Variants in SLC24A2 observed in about 807,000 individuals in gnomAD.
The protein encoded by SLC24A2 is solute carrier family 24 member 2, also known as sodium/potassium/calcium exchanger 2.
In SLC24A2, 36 loss-of-function variants were observed where a neutral mutation model predicts 62.0. That is an observed-to-expected ratio of 0.58 (90% confidence interval 0.44 to 0.77). The LOEUF (loss-of-function observed/expected upper bound fraction) is 0.77, where lower values mean the gene tolerates loss of function less well. SLC24A2 is among the 30% of genes least tolerant of loss of function. The pLI, the probability that SLC24A2 is intolerant of heterozygous loss-of-function variation, is 0.00. For synonymous variants in SLC24A2, 358 were observed against 294.0 expected (o/e 1.22, Z -2.23); for missense variants, 846 against 817.9 (o/e 1.03, Z -0.42).
the SLC24A2 span, among the ~76,000 whole-genome samples, chr9:20,247,053 T>C: frequency 3.9e-5 from 6 of 152,252 alleles, no homozygotes; most frequent in Non-Finnish European, 7.3e-5. Context: ...AGACCACTTA[T>C]ATCTTGAGCT....
chr9:20,224,429 A>G, the SLC24A2 span, among the ~76,000 whole-genome samples: 83 of 152,240 alleles, frequency 5.5e-4, no homozygotes, highest in South Asian at 1.0e-3. Context: ...GGCAAAAATT[A>G]AAGCCTGAAA....
the SLC24A2 span, among the ~76,000 whole-genome samples, chr9:20,119,753 C>T: frequency 1.3e-5 from 2 of 152,072 alleles, no homozygotes; most frequent in Non-Finnish European, 2.9e-5. Flanking sequence ...AGTTCCCATA[C>T]AGTGCAATAA....
At position 19,512,295 on chromosome 9, in the gene SLC24A2, C is replaced by A. The variant is rs184402071; in HGVS notation, c.*3858G>T. The A allele has an allele frequency of 6.6e-6, 1 of 152,324 alleles. No homozygotes were observed. Among genetic ancestry groups the A allele is most frequent in the East Asian group, 1.9e-4 (1 of 5,184 alleles). 9.4% of individuals were successfully genotyped at this position (152,324 alleles called of 1,614,324 possible). ...TTCCCTATAAAATAAATTATGATGG[C>A]CCTTGTCAGGTGACACCTGTTAGAA... On this transcript the variant is annotated 3_prime_UTR_variant, in exon 11 of 11. Transcript: ENST00000341998.
chr9:19,828,284 ATTGAAATGT>A, the SLC24A2 span, among the ~76,000 whole-genome samples: 1,407 of 152,270 alleles, frequency 9.2e-3, 20 homozygotes, highest in African/African-American at 0.032. Flanking sequence ...AAAGAATGGA[ATTGAAATGT>A]TCCTAACACA....
intron 2 of SLC24A2, among the ~76,000 whole-genome samples, chr9:19,715,739 T>C (rs1197129251): frequency 6.6e-6 from 1 of 152,188 alleles, no homozygotes; most frequent in Non-Finnish European, 1.5e-5. Context: ...AAAGAAGCAA[T>C]TGGCAATTTT....
At chr9:20,271,770 G>A in the SLC24A2 span, among the ~76,000 whole-genome samples, 11 of 152,056 alleles carry the variant, frequency 7.2e-5, no homozygotes, top group African/African-American at 2.7e-4. Context: ...AGAAAGGTTT[G>A]AATGAGTTTG....
the SLC24A2 span, among the ~76,000 whole-genome samples, chr9:20,171,930 T>C: frequency 6.6e-6 from 1 of 152,020 alleles, no homozygotes; most frequent in African/African-American, 2.4e-5. Context: ...CATCAGTGCA[T>C]GGAACTTCCT....
the SLC24A2 span, among the ~76,000 whole-genome samples, chr9:19,862,003 G>GAGAA: frequency 6.6e-6 from 1 of 152,158 alleles, no homozygotes; most frequent in Admixed American, 6.5e-5. Flanking sequence ...AGAGGAGGTA[G>GAGAA]AGAAAGAGAC....
intron 2 of SLC24A2, among the ~76,000 whole-genome samples, chr9:19,702,636 T>C (rs958387178): frequency 1.3e-5 from 2 of 152,196 alleles, no homozygotes; most frequent in Non-Finnish European, 2.9e-5. Context: ...TGCATTATAG[T>C]TGGCAGTGGC....
the SLC24A2 span, among the ~76,000 whole-genome samples, chr9:19,989,126 T>C: frequency 2.0e-5 from 3 of 152,148 alleles, no homozygotes; most frequent in African/African-American, 2.4e-5. Flanking sequence ...ATGTTAATAA[T>C]AAATATGTAT....
chr9:19,921,415 C>T, the SLC24A2 span, among the ~76,000 whole-genome samples: 11 of 150,014 alleles, frequency 7.3e-5, no homozygotes, highest in Admixed American at 3.4e-4. Flanking sequence ...CCCAGCTACT[C>T]GGGAGGGACA....
At chr9:19,652,271 T>A (rs1818823496) in intron 2 of SLC24A2, among the ~76,000 whole-genome samples, 1 of 152,152 alleles carries the variant, frequency 6.6e-6, no homozygotes, top group African/African-American at 2.4e-5. Context: ...GTAGGCTGAA[T>A]ACTGGTCTCC....
the SLC24A2 span, among the ~76,000 whole-genome samples, chr9:20,070,814 A>C: frequency 6.6e-6 from 1 of 152,206 alleles, no homozygotes; most frequent in East Asian, 1.9e-4. Flanking sequence ...AAAGGTAGAG[A>C]GAATACTCCC....
intron 2 of SLC24A2, among the ~76,000 whole-genome samples, chr9:19,722,170 A>G (rs1374143402): frequency 6.6e-6 from 1 of 152,124 alleles, no homozygotes; most frequent in African/African-American, 2.4e-5. Context: ...TTCTATGTAT[A>G]GTAGGAAGTG....
chr9:20,265,356 A>G, the SLC24A2 span, among the ~76,000 whole-genome samples: 977 of 152,364 alleles, frequency 6.4e-3, 6 homozygotes, highest in African/African-American at 0.023. Context: ...CGGAGGGACC[A>G]GCTGAAACCA....
chr9:19,584,546 T>A (rs1237638033), intron 5 of SLC24A2, among the ~76,000 whole-genome samples: 1 of 152,192 alleles, frequency 6.6e-6, no homozygotes, highest in Non-Finnish European at 1.5e-5. Context: ...ACAAATCCTC[T>A]TTTATTCTAC....
intron 2 of SLC24A2, among the ~76,000 whole-genome samples, chr9:19,784,583 C>G (rs757051557): frequency 6.6e-6 from 1 of 152,158 alleles, no homozygotes; most frequent in African/African-American, 2.4e-5. Flanking sequence ...ACCACCCAAA[C>G]GGACTCGAGG....
At chr9:20,290,385 G>A in the SLC24A2 span, among the ~76,000 whole-genome samples, 7 of 152,216 alleles carry the variant, frequency 4.6e-5, no homozygotes, top group African/African-American at 1.7e-4. Context: ...CTTGTCAGTT[G>A]TTTCAAATGT....
the SLC24A2 span, among the ~76,000 whole-genome samples, chr9:20,267,897 C>T: frequency 2.0e-5 from 3 of 152,118 alleles, no homozygotes; most frequent in Non-Finnish European, 4.4e-5. Context: ...GCCCTTCCTA[C>T]TGGGTGCCAG....
Sources: gnomAD v4.1 joint callset for allele counts (sites outside exome capture counted in the v4.1 genomes callset) on GRCh38, gnomAD v4.1.1 for gene constraint, MANE v1.5 for transcripts, NCBI Gene and HGNC (gene_info 2026-07-23, HGNC 2026-07-21) for gene names.